Variants in MMEL1 observed in about 807,000 individuals in gnomAD.
The protein encoded by MMEL1 is membrane metalloendopeptidase like 1.
Under a neutral mutation model 117.1 loss-of-function variants are expected in MMEL1, and 98 were observed. The observed-to-expected ratio is 0.84, with a 90% CI of 0.71 to 0.99. MMEL1 has a LOEUF of 0.99. Among genes scored for constraint, MMEL1 ranks in the 50% least tolerant of loss-of-function variants. The pLI is 0.00. For missense variants in MMEL1, 1,014 were observed against 1,049.1 expected, an observed-to-expected ratio of 0.97 and a Z score of 0.46; for synonymous variants, 390 against 415.1, an observed-to-expected ratio of 0.94 and a Z score of 0.74.
chr1:2,595,682 T>C lies in MMEL1; in HGVS notation c.1501-323A>G, dbSNP rs994718693. On this transcript the variant is annotated intron_variant, in intron 15 of 23. Coordinates refer to ENST00000378412, the MANE Select transcript of MMEL1 (RefSeq NM_033467.4). This position sits in a 1 kb window ranked among gnomAD's most constrained non-coding sequence, Gnocchi z 4.8. Reference sequence around the variant, plus strand: ...TGTCACTTGGGTCCAGAGGAGCTTCTGGTGGGTCTGACCCTTGCTCCCGAG... The same window carrying C: ...TGTCACTTGGGTCCAGAGGAGCTTCCGGTGGGTCTGACCCTTGCTCCCGAG... Among the ~76,000 whole-genome samples, 1 of 152,132 alleles carries C rather than the reference T, an allele frequency of 6.6e-6. No homozygotes were observed. Among genetic ancestry groups the C allele is most frequent in the Non-Finnish European group, 1.5e-5 (1 of 68,006 alleles).
At chr1:2,606,223 C>G (rs777891603) in intron 8 of MMEL1, 25 bp downstream of exon 8, 1 of 1,592,464 alleles carries the variant, frequency 6.3e-7, no homozygotes, top group Non-Finnish European at 8.6e-7. Flanking sequence ...CCCTGCCTAC[C>G]CCTGCCCACC....
chr1:2,628,903 G>A (rs1638399439), intron 2 of MMEL1, among the ~76,000 whole-genome samples: 1 of 151,804 alleles, frequency 6.6e-6, no homozygotes, highest in African/African-American at 2.4e-5. Flanking sequence ...GAGGCAGCCA[G>A]GTGAGCCCGG....
At chr1:2,631,687 C>T (rs1251865502) in intron 1 of MMEL1, among the ~76,000 whole-genome samples, 1 of 152,142 alleles carries the variant, frequency 6.6e-6, no homozygotes, top group African/African-American at 2.4e-5. Context: ...CCCTCAGATG[C>T]TTCCTTTGAC....
rs1370150893 is a variant in MMEL1 at position 2,595,001 on chromosome 1, C to T, written c.1585-108G>A. ...AGGACCTCAAGCCTTGCCAGGCGTC[C>T]GCACGTGGACAGTCGGCTGTGGGTG... is the stretch of plus-strand genomic sequence containing the variant. On this transcript the variant is annotated intron_variant, in intron 16 of 23. Coordinates refer to ENST00000378412, the MANE Select transcript of MMEL1 (RefSeq NM_033467.4). The surrounding 1 kb of genome is among the most constrained non-coding windows in gnomAD (Gnocchi z 4.8). The T allele has an allele frequency of 1.8e-5, 16 of 907,314 alleles. No homozygotes were observed. Among genetic ancestry groups the T allele is most frequent in the Admixed American group, 4.7e-5 (2 of 42,938 alleles). The allele number at this position is 907,314 out of a possible 1,614,324, so 56.2% of individuals were successfully genotyped here.
intron 23 of MMEL1, 23 bp downstream of exon 23, chr1:2,591,534 G>C: frequency 1.9e-6 from 3 of 1,602,196 alleles, no homozygotes; most frequent in Non-Finnish European, 8.6e-7. Flanking sequence ...GTGGCAAGGG[G>C]GTTGTGAGCA....
chr1:2,615,162 C>A (rs1322255136), intron 2 of MMEL1, among the ~76,000 whole-genome samples: 7 of 152,158 alleles, frequency 4.6e-5, no homozygotes, highest in African/African-American at 1.7e-4. Flanking sequence ...GAGCATAACT[C>A]CCCACTCCTC....
intron 2 of MMEL1, among the ~76,000 whole-genome samples, chr1:2,625,379 G>A (rs1334522701): frequency 2.6e-5 from 4 of 152,154 alleles, no homozygotes; most frequent in South Asian, 2.1e-4. Flanking sequence ...AGTGTCGAGC[G>A]GGGTCCAGAA....
intron 12 of MMEL1, 44 bp downstream of exon 12, chr1:2,598,610 G>A (rs1370894979): frequency 1.9e-6 from 3 of 1,609,960 alleles, no homozygotes; most frequent in Admixed American, 3.3e-5. Flanking sequence ...GGGAGAGCAG[G>A]GGCAAAGATG....
At chr1:2,602,360 C>T (rs564046803) in intron 11 of MMEL1, among the ~76,000 whole-genome samples, 3 of 152,268 alleles carry the variant, frequency 2.0e-5, no homozygotes, top group African/African-American at 7.2e-5. Flanking sequence ...TGTCCCCAAA[C>T]CCTGGGCTCC....
At chr1:2,604,379 G>A in intron 9 of MMEL1, 98 bp from the exon 10 acceptor site, 1 of 1,503,130 alleles carries the variant, frequency 6.7e-7, no homozygotes, top group Non-Finnish European at 9.0e-7. Flanking sequence ...ACATGGGGAA[G>A]CCCCTAATGC....
intron 1 of MMEL1, among the ~76,000 whole-genome samples, chr1:2,632,185 G>A (rs1050155147): frequency 7.1e-6 from 1 of 139,898 alleles, no homozygotes; most frequent in Non-Finnish European, 1.5e-5. Flanking sequence ...GGTTCAACTC[G>A]GGGAGCCCCA....
chr1:2,594,598 G>C (rs1325330621), intron 17 of MMEL1, among the ~76,000 whole-genome samples, 155 bp from the exon 18 acceptor site: 1 of 152,230 alleles, frequency 6.6e-6, no homozygotes, highest in African/African-American at 2.4e-5. Context: ...TCCCTGAGGA[G>C]GAGGCGACTT....
At chr1:2,606,164 TG>T in intron 8 of MMEL1, 83 bp downstream of exon 8, 2 of 1,107,324 alleles carry the variant, frequency 1.8e-6, no homozygotes, top group Non-Finnish European at 2.7e-6. Context: ...CCTGTCGGCC[TG>T]GCCCATCCTT....
Position 2,605,552 on chromosome 1 carries a change from AC to A in MMEL1, c.816+5del. 6.2e-7 allele frequency: 1 copy of A among 1,610,840 alleles called. No individual in the cohort carries two copies. Among genetic ancestry groups the A allele is most frequent in the Middle Eastern group, 1.7e-4 (1 of 5,910 alleles). ...TCATCTGGCATTGCGGTGAGGACCC[AC>A]CCACCTTCCGGTTGCTGCCGCCGTT... On this transcript the variant is annotated splice_donor_5th_base_variant and intron_variant, in intron 9 of 23. Coordinates refer to ENST00000378412, the MANE Select transcript of MMEL1 (RefSeq NM_033467.4).
At chr1:2,625,312 ACTC>A (rs1638228109) in intron 2 of MMEL1, among the ~76,000 whole-genome samples, 1 of 152,138 alleles carries the variant, frequency 6.6e-6, no homozygotes, top group South Asian at 2.1e-4. Context: ...GAGGCAGCAC[ACTC>A]CTCATCTGGG....
At chr1:2,617,919 A>T (rs1645230388) in intron 2 of MMEL1, among the ~76,000 whole-genome samples, 1 of 152,262 alleles carries the variant, frequency 6.6e-6, no homozygotes, top group African/African-American at 2.4e-5. Context: ...CTGAATACTC[A>T]GTTGACACAG....
intron 1 of MMEL1, 25 bp downstream of exon 1, chr1:2,632,841 G>T: frequency 1.0e-6 from 1 of 985,248 alleles, no homozygotes; most frequent in Non-Finnish European, 1.2e-6. Context: ...AAGCAGGCCG[G>T]GTACCTTCCT....
chr1:2,597,847 C>T (rs934970954), intron 13 of MMEL1, among the ~76,000 whole-genome samples: 4 of 152,204 alleles, frequency 2.6e-5, no homozygotes, highest in Non-Finnish European at 5.9e-5. Flanking sequence ...ACCACGGGTC[C>T]GGCCCCTGCC....
intron 2 of MMEL1, among the ~76,000 whole-genome samples, chr1:2,616,438 G>T (rs1645202251): frequency 6.6e-6 from 1 of 151,408 alleles, no homozygotes; most frequent in Non-Finnish European, 1.5e-5. Flanking sequence ...AAGAATGAAG[G>T]CCAGAAGATG....
Sources: allele counts gnomAD v4.1 joint callset (sites outside exome capture counted in the v4.1 genomes callset), GRCh38; gene constraint gnomAD v4.1.1; non-coding constraint Gnocchi (gnomAD v3.1); transcripts MANE v1.5; gene names NCBI Gene and HGNC (gene_info 2026-07-23, HGNC 2026-07-21).